AGK: variants seen among roughly 807,000 people sequenced by gnomAD.
The protein encoded by AGK is acylglycerol kinase, also known as acylglycerol kinase, mitochondrial.
Under a neutral mutation model 66.4 loss-of-function variants are expected in AGK, and 52 were observed. The ratio of observed to expected loss-of-function variants is 0.78; its 90% CI spans 0.63 to 0.99. The LOEUF (loss-of-function observed/expected upper bound fraction) is 0.99, where lower values mean the gene tolerates loss of function less well. Among genes scored for constraint, AGK ranks in the 50% least tolerant of loss-of-function variants. The pLI is 0.00. For synonymous variants in AGK, 182 were observed against 181.1 expected (o/e 1.00, Z -0.04); for missense variants, 451 against 506.6 (o/e 0.89, Z 1.05).
chr7:141,622,499 TTCA>T (rs535962666), intron 9 of AGK, among the ~76,000 whole-genome samples: 169 of 152,318 alleles, frequency 1.1e-3, no homozygotes, highest in Non-Finnish European at 1.8e-3. Flanking sequence ...CTCAACCTTT[TTCA>T]TCATTACTAC....
intron 4 of AGK, chr7:141,599,117 CT>C (rs1328177644): frequency 2.0e-5 from 3 of 152,078 alleles, no homozygotes; most frequent in Middle Eastern, 3.2e-3. Context: ...AGCATCCTTT[CT>C]TTTTTTCTTT....
At chr7:141,643,212 A>T (rs1797328729) in intron 13 of AGK, among the ~76,000 whole-genome samples, 1 of 152,120 alleles carries the variant, frequency 6.6e-6, no homozygotes, top group Non-Finnish European at 1.5e-5. Context: ...TTCACCCTAT[A>T]AAAAAAATTC....
chr7:141,651,534 G>A lies in AGK; in HGVS notation c.1056G>A (p.Lys352=). 1 of 1,614,232 alleles carries A rather than the reference G, an allele frequency of 6.2e-7. No homozygotes were observed. The highest frequency in any genetic ancestry group is 1.3e-5 in the African/African-American group (1 of 75,062). Residue 352 remains lysine, a synonymous_variant, in exon 15 of 16, where the codon AAG becomes AAA. Transcript: ENST00000649286. ...TTTCCTGTGCTCACAGAAGTCGAAA[G>A]GTGAGAAACCCCAAGCTGCACGTGG... is the stretch of plus-strand genomic sequence containing the variant. The part of the protein sequence containing the change: ...KGDFITIGSR[K]VRNPKLHVEG...
chr7:141,613,174 G>A lies in AGK; in HGVS notation c.391-972G>A, dbSNP rs1041135049. ...CCTGAAATTCAGTGAGGCAGGAGAA[G>A]ATGAAGGGAGGAGATCTGGGTCAGG... On this transcript the variant is annotated intron_variant, in intron 6 of 15. Coordinates refer to ENST00000649286, the MANE Select transcript of AGK (RefSeq NM_018238.4). 8.5e-5 allele frequency among the ~76,000 whole-genome samples: 13 copies of A among 152,310 alleles called. No individual in the cohort carries two copies. In the South Asian group the frequency reaches 2.7e-3, roughly 32 times the overall value.
rs1164222439 is a variant in AGK, at chr7:141,555,439, C to T, written c.-14-14C>T. The T allele has an allele frequency of 6.4e-7, 1 of 1,565,756 alleles. No individual in the cohort carries two copies. Among genetic ancestry groups the T allele is most frequent in the Non-Finnish European group, 8.8e-7 (1 of 1,139,794 alleles). ...AAATTATATTTTTTTCTCTTTCCGCCTCTACTAACCTAGCAAATCTCTAGA... is the reference window on the plus strand; with the variant it reads ...AAATTATATTTTTTTCTCTTTCCGCTTCTACTAACCTAGCAAATCTCTAGA... On this transcript the variant is annotated splice_polypyrimidine_tract_variant and intron_variant, in intron 1 of 15. Transcript: ENST00000649286. The surrounding 1 kb of genome is among the most constrained non-coding windows in gnomAD (Gnocchi z 4.2).
At chr7:141,594,367 G>T (rs1314484631) in intron 3 of AGK, among the ~76,000 whole-genome samples, 1 of 151,968 alleles carries the variant, frequency 6.6e-6, no homozygotes, top group African/African-American at 2.4e-5. Flanking sequence ...GCTAATTTTT[G>T]TATTTTTAGT....
At position 141,602,274 on chromosome 7, in the gene AGK, T is replaced by TC. The variant is rs543873373; in HGVS notation, c.297+1001dup. Among the ~76,000 whole-genome samples, 28 of 151,072 alleles carry TC rather than the reference T, an allele frequency of 1.9e-4. No individual in the cohort carries two copies. In the East Asian group the frequency reaches 2.9e-3, roughly 16 times the overall value. The stretch of plus-strand genomic sequence containing the variant: ...GTCTTGAACTCCTGGACTCAAGTGA[T>TC]CCCCCCCACCTTGGCTTCCCAAAGT... On this transcript the variant is annotated intron_variant, in intron 5 of 15. Coordinates refer to ENST00000649286, the MANE Select transcript of AGK (RefSeq NM_018238.4).
chr7:141,581,198 G>A (rs542566694), intron 2 of AGK, among the ~76,000 whole-genome samples: 5 of 152,030 alleles, frequency 3.3e-5, no homozygotes, highest in East Asian at 1.9e-4. Flanking sequence ...GAAGTCTTGC[G>A]GCAGTACAGC....
chr7:141,593,053 G>GGCCT, intron 2 of AGK, 93 bp from the exon 3 acceptor site: 4 of 1,029,044 alleles, frequency 3.9e-6, no homozygotes, highest in Non-Finnish European at 5.9e-6. Flanking sequence ...TAGAGAAGAG[G>GGCCT]TGCCTATATT....
chr7:141,575,522 TGTTTCAGGG>T (rs1795715642), intron 2 of AGK, among the ~76,000 whole-genome samples: 1 of 152,290 alleles, frequency 6.6e-6, no homozygotes, highest in South Asian at 2.1e-4. Flanking sequence ...GTCATATATT[TGTTTCAGGG>T]GTTTCAGGGT....
chr7:141,613,354 C>T (rs1031642633), intron 6 of AGK, among the ~76,000 whole-genome samples: 1 of 152,266 alleles, frequency 6.6e-6, no homozygotes, highest in Admixed American at 6.5e-5. Flanking sequence ...TGTGGTGGCT[C>T]ATGCCTGTAA....
At chr7:141,577,730 G>A (rs1168409399) in intron 2 of AGK, among the ~76,000 whole-genome samples, 2 of 151,976 alleles carry the variant, frequency 1.3e-5, no homozygotes, top group African/African-American at 4.8e-5. Context: ...GCACAGGCCG[G>A]TTGGGGTTTC....
At chr7:141,593,468 G>A (rs541995806) in intron 3 of AGK, 57 of 682,650 alleles carry the variant, frequency 8.3e-5, no homozygotes, top group African/African-American at 8.1e-4. Context: ...GAATTTGTTT[G>A]TGTCTGCAGT....
chr7:141,555,901 T>G lies in AGK; in HGVS notation c.101+334T>G, dbSNP rs766310024. ...GTGAACCCCCAAAATCTGAGACAGG[T>G]CTTAGTCAATTTAGTAAGTTTATTT... On this transcript the variant is annotated intron_variant, in intron 2 of 15. Coordinates refer to ENST00000649286, the MANE Select transcript of AGK (RefSeq NM_018238.4). The surrounding 1 kb of genome is among the most constrained non-coding windows in gnomAD (Gnocchi z 4.2). Among the ~76,000 whole-genome samples, 3 of 152,232 alleles carry G rather than the reference T, an allele frequency of 2.0e-5. No individual in the cohort carries two copies. Among genetic ancestry groups the G allele is most frequent in the Non-Finnish European group, 4.4e-5 (3 of 68,042 alleles).
chr7:141,634,024 C>T (rs751904074), intron 10 of AGK, 44 bp downstream of exon 10: 1 of 1,504,604 alleles, frequency 6.6e-7, no homozygotes, highest in South Asian at 1.1e-5. Flanking sequence ...TTAAAAAAAT[C>T]TTATTCTGTC....
chr7:141,567,046 G>A (rs770400097), intron 2 of AGK, among the ~76,000 whole-genome samples: 2 of 152,062 alleles, frequency 1.3e-5, no homozygotes, highest in Non-Finnish European at 2.9e-5. Context: ...TTAAATTAAA[G>A]GGATACTTTT....
chr7:141,625,308 C>T (rs1282336511), intron 9 of AGK, among the ~76,000 whole-genome samples: 1 of 152,098 alleles, frequency 6.6e-6, no homozygotes, highest in Admixed American at 6.6e-5. Context: ...CTCTCTATCT[C>T]CTCTCAATAT....
chr7:141,649,164 A>T lies in AGK; in HGVS notation c.976-99A>T, dbSNP rs1797490379. 3 of 713,366 alleles carry T rather than the reference A, an allele frequency of 4.2e-6. No homozygotes were observed. The South Asian group carries it at 5.2e-5, about 12-fold the overall frequency. 44.2% of individuals were successfully genotyped at this position (713,366 alleles called of 1,614,324 possible). A position where few individuals can be genotyped will look rare whatever the true frequency, so the allele number is the denominator to read the frequency against. ...ACTACAAGTAGAGTCCCCTATCTAT[A>T]TATAGCTTCAAACTATGAACCATCA... On this transcript the variant is annotated intron_variant, in intron 13 of 15. Transcript: ENST00000649286.
At chr7:141,563,666 G>A (rs12703388) in intron 2 of AGK, among the ~76,000 whole-genome samples, 1 of 152,082 alleles carries the variant, frequency 6.6e-6, no homozygotes, top group African/African-American at 2.4e-5. Context: ...ATCATCACTT[G>A]CTCCTGTTCC....
Sources: allele counts gnomAD v4.1 joint callset (sites outside exome capture counted in the v4.1 genomes callset), GRCh38; gene constraint gnomAD v4.1.1; non-coding constraint Gnocchi (gnomAD v3.1); transcripts MANE v1.5; gene names NCBI Gene and HGNC (gene_info 2026-07-23, HGNC 2026-07-21).